Variants in DNAJC11 observed in about 807,000 individuals in gnomAD.
DNAJC11 encodes dnaJ homolog subfamily C member 11.
DNAJC11 carries 15 observed loss-of-function variants against 78.6 expected under a neutral mutation model. The observed-to-expected ratio is 0.19, with a 90% CI of 0.13 to 0.29. The LOEUF is 0.29. DNAJC11 is among the 10% of genes least tolerant of loss of function. The pLI, the probability that DNAJC11 is intolerant of heterozygous loss-of-function variation, is 1.00. For missense variants in DNAJC11, 547 were observed against 709.6 expected (o/e 0.77, Z 2.60); for synonymous variants, 292 against 272.1 (o/e 1.07, Z -0.72).
At chr1:6,644,037 AT>A (rs1191692243) in intron 10 of DNAJC11, among the ~76,000 whole-genome samples, 4 of 151,616 alleles carry the variant, frequency 2.6e-5, no homozygotes. Flanking sequence ...CCCCTGGCTA[AT>A]TTTTTGTATT....
chr1:6,647,745 G>A (rs1237757419), intron 7 of DNAJC11, among the ~76,000 whole-genome samples: 3 of 152,124 alleles, frequency 2.0e-5, no homozygotes, highest in East Asian at 1.9e-4. Context: ...AACCTGGGAG[G>A]TGGAGGTTGC....
chr1:6,681,597 C>A (rs556644456), intron 1 of DNAJC11, among the ~76,000 whole-genome samples: 1 of 152,272 alleles, frequency 6.6e-6, no homozygotes, highest in Non-Finnish European at 1.5e-5. Context: ...CTCCCCAAAA[C>A]CCCCAGACCC....
chr1:6,666,376 C>CTTTCT (rs1277875579), intron 4 of DNAJC11, among the ~76,000 whole-genome samples: 1 of 131,554 alleles, frequency 7.6e-6, no homozygotes, highest in African/African-American at 2.9e-5. Flanking sequence ...TGTTTTTTTT[C>CTTTCT]TTTCTTTTCT....
rs919347555 is a variant in DNAJC11, at chr1:6,653,005, T to A, written c.508-54A>T. 4.3e-6 allele frequency: 7 copies of A among 1,610,550 alleles called. No individual in the cohort carries two copies. The highest frequency in any genetic ancestry group is 5.1e-6 in the Non-Finnish European group (6 of 1,177,680). ...GAATCAAAACAACAGGAAGTGCCAA[T>A]GGCAGCAGCCTAAAGAACGCACTGT... On this transcript the variant is annotated intron_variant, in intron 5 of 15. Coordinates refer to ENST00000377577, the MANE Select transcript of DNAJC11 (RefSeq NM_018198.4). This position sits in a 1 kb window ranked among gnomAD's most constrained non-coding sequence, Gnocchi z 4.5.
intron 1 of DNAJC11, among the ~76,000 whole-genome samples, chr1:6,694,974 C>CAAA (rs869181454): frequency 3.1e-4 from 10 of 32,136 alleles, no homozygotes; most frequent in African/African-American, 1.5e-3. Flanking sequence ...GACTCCGAAT[C>CAAA]AAAAAAAAAA....
At chr1:6,646,064 C>T (rs964563747) in intron 7 of DNAJC11, 86 bp from the exon 8 acceptor site, 2 of 1,370,952 alleles carry the variant, frequency 1.5e-6, no homozygotes, top group East Asian at 2.3e-5. Context: ...GCTAAGACCT[C>T]ACTTACTGTC....
intron 7 of DNAJC11, among the ~76,000 whole-genome samples, 193 bp downstream of exon 7, chr1:6,651,336 C>A (rs1642052061): frequency 6.6e-6 from 1 of 152,200 alleles, no homozygotes; most frequent in Non-Finnish European, 1.5e-5. Flanking sequence ...AGGGTCCGGC[C>A]CCCTCAATCC....
intron 7 of DNAJC11, among the ~76,000 whole-genome samples, chr1:6,650,745 C>T (rs753504457): frequency 2.6e-5 from 4 of 152,076 alleles, no homozygotes; most frequent in African/African-American, 4.8e-5. Context: ...TGGTGGCACA[C>T]GCCTGTAGTC....
At chr1:6,635,785 G>T in intron 15 of DNAJC11, 85 bp from the exon 16 acceptor site, 2 of 1,527,836 alleles carry the variant, frequency 1.3e-6, no homozygotes, top group Admixed American at 1.8e-5. Context: ...CAGTCACCCG[G>T]ACCAGCAGCT....
intron 1 of DNAJC11, among the ~76,000 whole-genome samples, chr1:6,697,263 T>C (rs1034492442): frequency 2.6e-5 from 4 of 152,308 alleles, no homozygotes; most frequent in South Asian, 2.1e-4. Flanking sequence ...TGTCTTGTCA[T>C]AGGAGAACGG....
In DNAJC11 at chr1:6,645,141, G is replaced by T; in HGVS notation, c.895-15C>A. On this transcript the variant is annotated splice_polypyrimidine_tract_variant and intron_variant, in intron 8 of 15. Transcript: ENST00000377577. The surrounding 1 kb of genome is among the most constrained non-coding windows in gnomAD (Gnocchi z 4.1). Reference sequence around the variant, plus strand: ...GGGATTCCCAGCTGGGGAGACAGAGGGTGCAAGGATGCGTGGCTAGGGCGT... The same window carrying T: ...GGGATTCCCAGCTGGGGAGACAGAGTGTGCAAGGATGCGTGGCTAGGGCGT... 1 of 1,604,530 alleles carries T rather than the reference G, an allele frequency of 6.2e-7. No individual in the cohort carries two copies. Among genetic ancestry groups the T allele is most frequent in the Non-Finnish European group, 8.5e-7 (1 of 1,172,000 alleles).
At chr1:6,697,158 A>G (rs1381972132) in intron 1 of DNAJC11, among the ~76,000 whole-genome samples, 2 of 152,208 alleles carry the variant, frequency 1.3e-5, no homozygotes, top group African/African-American at 4.8e-5. Flanking sequence ...AGTGAGTGAT[A>G]AAGTACTCCC....
At position 6,634,828 on chromosome 1, in the gene DNAJC11, T is replaced by G. The variant is rs1420376970; in HGVS notation, c.*847A>C. 8.0e-7 allele frequency: 1 copy of G among 1,254,074 alleles called. No homozygotes were observed. The highest frequency in any genetic ancestry group is 1.5e-5 in the African/African-American group (1 of 64,738). The allele number at this position is 1,254,074 out of a possible 1,614,324, so 77.7% of individuals were successfully genotyped here. A position where few individuals can be genotyped will look rare whatever the true frequency, so the allele number is the denominator to read the frequency against. ...CGGGCCTGGGGTCCACGCCTTTGGGTTGGGTGTGTCTGATGTCTTGCCAAG... is the reference window on the plus strand; with the variant it reads ...CGGGCCTGGGGTCCACGCCTTTGGGGTGGGTGTGTCTGATGTCTTGCCAAG... On this transcript the variant is annotated 3_prime_UTR_variant, in exon 16 of 16. Transcript: ENST00000377577.
intron 1 of DNAJC11, among the ~76,000 whole-genome samples, chr1:6,701,363 G>A (rs561844550): frequency 2.6e-5 from 4 of 152,294 alleles, no homozygotes; most frequent in Admixed American, 6.5e-5. Context: ...CCTCAGCCAG[G>A]ACGAGTATGT....
At position 6,701,773 on chromosome 1, in the gene DNAJC11, G is replaced by C. The variant is rs770666056; in HGVS notation, c.28C>G (p.Leu10Val). MATALSEEE[L>V]DNEDYYSLLN... ...AACGAGTAATAGTCTTCATTGTCCA[G>C]CTCCTCCTCGCTCAAGGCCGTCGCC... The change falls in exon 1 of 16, where the codon CTG becomes GTG. Residue 10 changes from leucine (L) to valine (V), a missense_variant. By Grantham distance (32) the Leu-to-Val change is conservative. Transcript: ENST00000377577. 2 of 1,566,224 alleles carry C rather than the reference G, an allele frequency of 1.3e-6. No homozygotes were observed. The highest frequency in any genetic ancestry group is 5.1e-5 in the East Asian group (2 of 39,438).
intron 10 of DNAJC11, among the ~76,000 whole-genome samples, chr1:6,643,303 T>C (rs535706007): frequency 3.6e-5 from 5 of 137,308 alleles, no homozygotes; most frequent in African/African-American, 1.4e-4. Flanking sequence ...TTGAGTGGAG[T>C]CTCGCTCTGA....
intron 11 of DNAJC11, among the ~76,000 whole-genome samples, chr1:6,639,666 TGA>T (rs1404929305): frequency 2.6e-5 from 4 of 152,140 alleles, no homozygotes; most frequent in Admixed American, 2.6e-4. Context: ...CAGTCCTTTC[TGA>T]GAGTAAGATT....
chr1:6,688,153 C>T (rs770401836), intron 1 of DNAJC11, among the ~76,000 whole-genome samples: 14 of 152,106 alleles, frequency 9.2e-5, no homozygotes, highest in Admixed American at 3.3e-4. Flanking sequence ...ACAAGCCCAG[C>T]GAAAGGGAAA....
At chr1:6,667,403 T>C (rs1405152562) in intron 4 of DNAJC11, among the ~76,000 whole-genome samples, 1 of 152,134 alleles carries the variant, frequency 6.6e-6, no homozygotes, top group Non-Finnish European at 1.5e-5. Context: ...GGAAACAGCC[T>C]TCAGTGACTA....
Sources: allele counts gnomAD v4.1 joint callset (sites outside exome capture counted in the v4.1 genomes callset), GRCh38; gene constraint gnomAD v4.1.1; non-coding constraint Gnocchi (gnomAD v3.1); transcripts MANE v1.5; gene names NCBI Gene and HGNC (gene_info 2026-07-23, HGNC 2026-07-21).